Variants in PHLPP2 observed in about 807,000 individuals in gnomAD.
The protein encoded by PHLPP2 is PH domain and leucine rich repeat protein phosphatase 2.
A neutral mutation model predicts 124.9 loss-of-function variants in PHLPP2; 66 were observed. The observed-to-expected ratio is 0.53, with a 90% CI of 0.43 to 0.65. The LOEUF (loss-of-function observed/expected upper bound fraction) is 0.65. Among genes scored for constraint, PHLPP2 ranks in the 30% least tolerant of loss-of-function variants. PHLPP2 has a pLI of 0.00. For synonymous variants in PHLPP2, 681 were observed against 624.7 expected (o/e 1.09, Z -1.34); for missense variants, 1,685 against 1,600.4 (o/e 1.05, Z -0.90).
In PHLPP2 at chr16:71,664,469, C is replaced by A. The variant is rs552497328; in HGVS notation, c.1785-370G>T. Among the ~76,000 whole-genome samples the A allele has an allele frequency of 4.6e-5, 7 of 152,322 alleles. No homozygotes were observed. The South Asian group carries it at 1.4e-3, about 32-fold the overall frequency. On this transcript the variant is annotated intron_variant, in intron 12 of 18. Coordinates refer to ENST00000568954, the MANE Select transcript of PHLPP2 (RefSeq NM_015020.3). ...CCATTTAGAAAAACTTTTGTCTGGG[C>A]CAGGCGCAGTGGCTCACGCCTATAA...
intron 5 of PHLPP2, among the ~76,000 whole-genome samples, chr16:71,683,089 T>A (rs894551192): frequency 5.3e-5 from 8 of 151,920 alleles, no homozygotes; most frequent in Non-Finnish European, 1.2e-4. Flanking sequence ...GAGAACTGCT[T>A]GAACCCAGGA....
In PHLPP2 at chr16:71,687,132, TCTCA is replaced by T. The variant is rs548563209; in HGVS notation, c.610-2535_610-2532del. 3.6e-4 allele frequency among the ~76,000 whole-genome samples: 55 copies of T among 152,354 alleles called. No homozygotes were observed. In the South Asian group the frequency reaches 7.4e-3, roughly 21 times the overall value. ...TCAGCCATTCTAGTGGTGTGCCGTA[TCTCA>T]CTATTATTTTTATTTGCATTTCCCT... On this transcript the variant is annotated intron_variant, in intron 4 of 18. Transcript: ENST00000568954.
rs559327188 is a variant in PHLPP2, at chr16:71,646,517, C to T, written c.*2373G>A. The T allele has an allele frequency of 1.1e-4, 17 of 152,200 alleles. No homozygotes were observed. The highest frequency in any genetic ancestry group is 2.2e-4 in the Non-Finnish European group (15 of 68,010). The allele number at this position is 152,200 out of a possible 1,614,324, so 9.4% of individuals were successfully genotyped here. A position where few individuals can be genotyped will look rare whatever the true frequency, so the allele number is the denominator to read the frequency against. The stretch of plus-strand genomic sequence containing the variant: ...AATAAGTAGGTTGGGAAACGAATAG[C>T]AGACAAGAAGGGTTCACCATAATGA... On this transcript the variant is annotated 3_prime_UTR_variant, in exon 19 of 19. Transcript: ENST00000568954.
chr16:71,665,308 C>CA (rs928576811), intron 12 of PHLPP2, among the ~76,000 whole-genome samples: 4 of 150,528 alleles, frequency 2.7e-5, no homozygotes, highest in Non-Finnish European at 5.9e-5. Flanking sequence ...GACTGCATTT[C>CA]AAAAAAAAAT....
intron 10 of PHLPP2, among the ~76,000 whole-genome samples, 191 bp from the exon 11 acceptor site, chr16:71,669,561 G>A (rs2044872478): frequency 6.6e-6 from 1 of 152,216 alleles, no homozygotes; most frequent in African/African-American, 2.4e-5. Context: ...GAAGGGAGAG[G>A]AGAGACAAGT....
chr16:71,661,886 C>T (rs776638117), intron 13 of PHLPP2, among the ~76,000 whole-genome samples: 6 of 152,032 alleles, frequency 3.9e-5, no homozygotes, highest in African/African-American at 9.6e-5. Context: ...TGCAGTGATA[C>T]GATCTTGGCT....
At position 71,669,349 on chromosome 16, in the gene PHLPP2, A is replaced by C; in HGVS notation, c.1554T>G (p.Pro518=). The C allele has an allele frequency of 6.2e-7, 1 of 1,611,606 alleles. No homozygotes were observed. Among genetic ancestry groups the C allele is most frequent in the Non-Finnish European group, 8.5e-7 (1 of 1,179,106 alleles). The change falls in exon 11 of 19, where the codon CCT becomes CCG. Residue 518 remains proline, a synonymous_variant. Transcript: ENST00000568954. ...TCTTCTTTGCTTCACAGGCCCAGTC[A>C]GGGACACACTCTAGCAGGTTTCTGC... ...DLSRNLLECV[P]DWACEAKKIE...
At chr16:71,699,218 C>A (rs899898506) in intron 3 of PHLPP2, among the ~76,000 whole-genome samples, 4 of 152,136 alleles carry the variant, frequency 2.6e-5, no homozygotes, top group Admixed American at 2.6e-4. Flanking sequence ...CCCAGCAAAA[C>A]CCCACCTTCG....
In PHLPP2 at chr16:71,671,976, C is replaced by T. The variant is rs576212005; in HGVS notation, c.1532+286G>A. Among the ~76,000 whole-genome samples the T allele has an allele frequency of 5.9e-5, 9 of 152,242 alleles. No individual in the cohort carries two copies. The East Asian group carries it at 9.6e-4, about 16-fold the overall frequency. On this transcript the variant is annotated intron_variant, in intron 10 of 18. Coordinates refer to ENST00000568954, the MANE Select transcript of PHLPP2 (RefSeq NM_015020.3). ...AATTATCTGATTCCAACTGACAAAA[C>T]GGGAATCAGTGCCTTGAAGATAACA...
chr16:71,708,951 T>C (rs1055514774), intron 2 of PHLPP2, among the ~76,000 whole-genome samples: 9 of 151,772 alleles, frequency 5.9e-5, no homozygotes, highest in African/African-American at 1.7e-4. Flanking sequence ...CTGGACAACA[T>C]AGCATGATCC....
intron 5 of PHLPP2, 128 bp from the exon 6 acceptor site, chr16:71,682,033 C>A: frequency 5.0e-6 from 3 of 599,238 alleles, no homozygotes; most frequent in South Asian, 3.6e-5. Flanking sequence ...CAATAAGATC[C>A]AATTATTCAT....
intron 3 of PHLPP2, among the ~76,000 whole-genome samples, chr16:71,696,398 A>C (rs2045171106): frequency 6.6e-6 from 1 of 152,064 alleles, no homozygotes; most frequent in Admixed American, 6.5e-5. Flanking sequence ...GCACTTCAGG[A>C]GGCCAAGGTG....
chr16:71,715,045 A>C, intron 1 of PHLPP2: 5 of 514,292 alleles, frequency 9.7e-6, no homozygotes, highest in Non-Finnish European at 1.7e-5. Flanking sequence ...TTGTGTTTTC[A>C]GAAACGTGTC....
intron 5 of PHLPP2, among the ~76,000 whole-genome samples, chr16:71,682,837 T>C (rs1309405042): frequency 2.6e-5 from 4 of 152,116 alleles, no homozygotes; most frequent in African/African-American, 9.7e-5. Flanking sequence ...ATAATATGGG[T>C]TATAAAAATT....
intron 13 of PHLPP2, among the ~76,000 whole-genome samples, chr16:71,661,924 A>C (rs779408760): frequency 3.3e-5 from 5 of 151,734 alleles, no homozygotes; most frequent in Non-Finnish European, 7.4e-5. Flanking sequence ...CCGGGGTTCA[A>C]GCGATTCTCC....
At position 71,684,335 on chromosome 16, in the gene PHLPP2, A is replaced by C. The variant is rs554982983; in HGVS notation, c.735+141T>G. On this transcript the variant is annotated intron_variant, in intron 5 of 18. Transcript: ENST00000568954. ...GAGACAGGGTTTCACCATGTTGGTC[A>C]GACTGGTCTCGAACTCCCAACCTCA... The C allele has an allele frequency of 1.8e-4, 132 of 718,186 alleles. 1 individual carries two copies. The highest frequency in any genetic ancestry group is 1.1e-3 in the Admixed American group (46 of 41,916). The allele number at this position is 718,186 out of a possible 1,614,324, so 44.5% of individuals were successfully genotyped here.
chr16:71,648,872 C>G lies in PHLPP2; in HGVS notation c.*18G>C, dbSNP rs776468659. Reference sequence around the variant, plus strand: ...CAACCCTGCACAGCCTCCTCCCACACTGTGCCCAGTGGGGCAGTCATAGTG... The same window carrying G: ...CAACCCTGCACAGCCTCCTCCCACAGTGTGCCCAGTGGGGCAGTCATAGTG... On this transcript the variant is annotated 3_prime_UTR_variant, in exon 19 of 19. Coordinates refer to ENST00000568954, the MANE Select transcript of PHLPP2 (RefSeq NM_015020.3). The G allele has an allele frequency of 1.9e-6, 3 of 1,591,210 alleles. No individual in the cohort carries two copies. The highest frequency in any genetic ancestry group is 2.2e-5 in the South Asian group (2 of 90,156).
At chr16:71,666,790 T>C (rs1220862183) in intron 12 of PHLPP2, among the ~76,000 whole-genome samples, 1 of 152,214 alleles carries the variant, frequency 6.6e-6, no homozygotes, top group African/African-American at 2.4e-5. Context: ...AAAAACCAAA[T>C]TAACTTTAGT....
In PHLPP2 at chr16:71,703,272, G is replaced by A. The variant is rs1597014027; in HGVS notation, c.285-541C>T. Among the ~76,000 whole-genome samples, 3 of 152,152 alleles carry A rather than the reference G, an allele frequency of 2.0e-5. No homozygotes were observed. In the South Asian group the frequency reaches 6.2e-4, roughly 32 times the overall value. ...TGTCAGGACCCCTTTATACTTTGGG[G>A]ATCACAAAGAGCTTTTGTTTACATG... On this transcript the variant is annotated intron_variant, in intron 2 of 18. Coordinates refer to ENST00000568954, the MANE Select transcript of PHLPP2 (RefSeq NM_015020.3).
Sources: gnomAD v4.1 joint callset for allele counts (sites outside exome capture counted in the v4.1 genomes callset) on GRCh38, gnomAD v4.1.1 for gene constraint, MANE v1.5 for transcripts, NCBI Gene and HGNC (gene_info 2026-07-23, HGNC 2026-07-21) for gene names.